Variants in MYO5A observed in about 807,000 individuals in gnomAD.
The protein encoded by MYO5A is unconventional myosin-Va.
In MYO5A, 98 loss-of-function variants were observed where a neutral mutation model predicts 249.7. The observed-to-expected ratio is 0.39, with a 90% CI of 0.33 to 0.46. MYO5A has a LOEUF of 0.46. Among genes scored for constraint, MYO5A ranks in the 20% least tolerant of loss-of-function variants. MYO5A has a pLI of 0.98. For missense variants in MYO5A, 1,696 were observed against 2,308.8 expected, an observed-to-expected ratio of 0.73 and a Z score of 5.44; for synonymous variants, 778 against 810.6, an observed-to-expected ratio of 0.96 and a Z score of 0.68.
chr15:52,505,170 C>A, intron 1 of MYO5A: 1 of 751,390 alleles, frequency 1.3e-6, no homozygotes, highest in South Asian at 1.4e-5. Flanking sequence ...ATGGAGAACT[C>A]TCAGATACAG....
chr15:52,417,872 A>T (rs1459170605), intron 4 of MYO5A, among the ~76,000 whole-genome samples: 1 of 152,198 alleles, frequency 6.6e-6, no homozygotes, highest in Non-Finnish European at 1.5e-5. Flanking sequence ...TAAATCACCC[A>T]GTCTGTGGTA....
intron 23 of MYO5A, among the ~76,000 whole-genome samples, chr15:52,365,549 G>C (rs779735505): frequency 6.6e-6 from 1 of 152,114 alleles, no homozygotes; most frequent in Non-Finnish European, 1.5e-5. Flanking sequence ...CATATATTTT[G>C]AGGCTAAATC....
chr15:52,326,374 C>T (rs1423210615), intron 36 of MYO5A, among the ~76,000 whole-genome samples: 1 of 152,150 alleles, frequency 6.6e-6, no homozygotes, highest in Admixed American at 6.5e-5. Context: ...ATTGCATCAA[C>T]ACACTAAAAA....
intron 20 of MYO5A, among the ~76,000 whole-genome samples, chr15:52,373,908 G>A (rs565684499): frequency 6.6e-6 from 1 of 151,896 alleles, no homozygotes; most frequent in Non-Finnish European, 1.5e-5. Context: ...ACTCATTCAA[G>A]CCTCACCAGT....
intron 1 of MYO5A, among the ~76,000 whole-genome samples, chr15:52,496,045 C>G (rs1014614853): frequency 6.7e-6 from 1 of 149,294 alleles, no homozygotes; most frequent in African/African-American, 2.5e-5. Context: ...GCACATTGTG[C>G]ACATGTACCC....
intron 1 of MYO5A, among the ~76,000 whole-genome samples, chr15:52,512,368 CGTTCA>C (rs1215086649): frequency 1.3e-5 from 2 of 151,860 alleles, no homozygotes; most frequent in Non-Finnish European, 2.9e-5. Flanking sequence ...GCAGGGGTCT[CGTTCA>C]GTAACATATG....
intron 3 of MYO5A, among the ~76,000 whole-genome samples, chr15:52,427,664 T>C (rs554073213): frequency 1.8e-4 from 28 of 152,280 alleles, no homozygotes; most frequent in South Asian, 1.4e-3. Context: ...GAAGAAATCA[T>C]GAGCACTGAG....
Position 52,434,922 on chromosome 15 carries a change from A to C in MYO5A, c.28-1637T>G, listed in dbSNP as rs537368050. Among the ~76,000 whole-genome samples the C allele has an allele frequency of 2.3e-4, 35 of 152,302 alleles. 2 individuals carry two copies. The South Asian group carries it at 7.2e-3, about 32-fold the overall frequency. On this transcript the variant is annotated intron_variant, in intron 1 of 41. Transcript: ENST00000399233. ...CTGTATCCTCATTTCATGTAAATTC[A>C]CCTCTAGATTTCATTTTTAACAATA... is the stretch of plus-strand genomic sequence containing the variant.
chr15:52,356,775 G>A (rs1596335905), intron 25 of MYO5A, among the ~76,000 whole-genome samples: 1 of 119,932 alleles, frequency 8.3e-6, no homozygotes. Context: ...GCACTTCGCT[G>A]TTGATTTAAT....
At chr15:52,433,309 T>C (rs1411027381) in intron 1 of MYO5A, 24 bp from the exon 2 acceptor site, 22 of 1,357,888 alleles carry the variant, frequency 1.6e-5, no homozygotes, top group Non-Finnish European at 1.5e-5. Flanking sequence ...AGAAAAAAAT[T>C]TAAACTAGCA....
intron 39 of MYO5A, 114 bp downstream of exon 39, chr15:52,318,946 C>T (rs1014586639): frequency 7.3e-7 from 1 of 1,360,662 alleles, no homozygotes; most frequent in African/African-American, 1.4e-5. Context: ...TGCTTGGCCA[C>T]ATGGCACCAG....
At chr15:52,383,384 C>A (rs143394974) in intron 15 of MYO5A, among the ~76,000 whole-genome samples, 196 bp from the exon 16 acceptor site, 341 of 152,278 alleles carry the variant, frequency 2.2e-3, no homozygotes, top group African/African-American at 8.0e-3. Context: ...TAAATTCTAC[C>A]ATTTTCATGC....
chr15:52,455,115 G>C (rs1190898387), intron 1 of MYO5A, among the ~76,000 whole-genome samples: 1 of 151,820 alleles, frequency 6.6e-6, no homozygotes, highest in Non-Finnish European at 1.5e-5. Context: ...AATAAAATCA[G>C]AGATTAGAAA....
At chr15:52,465,063 G>T (rs918914487) in intron 1 of MYO5A, among the ~76,000 whole-genome samples, 1 of 152,322 alleles carries the variant, frequency 6.6e-6, no homozygotes, top group Non-Finnish European at 1.5e-5. Context: ...CCTCATTAAT[G>T]ATGAGCACTA....
chr15:52,348,319 A>G (rs2039753659), intron 29 of MYO5A, among the ~76,000 whole-genome samples: 1 of 152,144 alleles, frequency 6.6e-6, no homozygotes, highest in Admixed American at 6.5e-5. Flanking sequence ...GGGATATGGT[A>G]GAGAAATTTG....
At chr15:52,513,603 T>A (rs978038384) in intron 1 of MYO5A, among the ~76,000 whole-genome samples, 12 of 151,234 alleles carry the variant, frequency 7.9e-5, no homozygotes, top group Admixed American at 2.6e-4. Context: ...TTTTTTTTTT[T>A]AATTTTTAGT....
intron 34 of MYO5A, chr15:52,331,980 A>T (rs755004386): frequency 3.1e-6 from 2 of 652,560 alleles, no homozygotes; most frequent in Non-Finnish European, 3.8e-6. Flanking sequence ...AGGAGACTCA[A>T]ACTGTTTGGT....
At chr15:52,513,424 T>G (rs1217008692) in intron 1 of MYO5A, among the ~76,000 whole-genome samples, 1 of 125,748 alleles carries the variant, frequency 8.0e-6, no homozygotes, top group Admixed American at 7.8e-5. Flanking sequence ...AGAGCAAAAC[T>G]CCATCTTAAA....
rs188357129 is a variant in MYO5A, at chr15:52,335,688, T to C, written c.4408+775A>G. On this transcript the variant is annotated intron_variant, in intron 34 of 41. Coordinates refer to ENST00000399233, the MANE Select transcript of MYO5A (RefSeq NM_001382347.1). ...TGATATTTGGTTATTTCTCAAGGAA[T>C]TTTTTCATCATCATCATATAGAAAT... 1.3e-3 allele frequency among the ~76,000 whole-genome samples: 194 copies of C among 152,286 alleles called. 2 individuals carry two copies. The highest frequency in any genetic ancestry group is 4.3e-3 in the African/African-American group (178 of 41,568).
Sources: gnomAD v4.1 joint callset for allele counts (sites outside exome capture counted in the v4.1 genomes callset) on GRCh38, gnomAD v4.1.1 for gene constraint, MANE v1.5 for transcripts, NCBI Gene and HGNC (gene_info 2026-07-23, HGNC 2026-07-21) for gene names.